The following RIF1 variants were observed in gnomAD, a reference collection of about 807,000 sequenced individuals.
The protein encoded by RIF1 is telomere-associated protein RIF1.
Under a neutral mutation model 247.1 loss-of-function variants are expected in RIF1, and 45 were observed. That is an observed-to-expected ratio of 0.18 (90% CI 0.14 to 0.23). RIF1 has a LOEUF of 0.23. Among genes scored for constraint, RIF1 ranks in the 10% least tolerant of loss-of-function variants. The pLI, the probability that RIF1 is intolerant of heterozygous loss-of-function variation, is 1.00. For missense variants in RIF1, 2,967 were observed against 2,862.5 expected, an observed-to-expected ratio of 1.04 and a Z score of -0.83; for synonymous variants, 1,087 against 978.8, an observed-to-expected ratio of 1.11 and a Z score of -2.06.
chr2:151,412,233 T>A (rs1272702895), intron 3 of RIF1, among the ~76,000 whole-genome samples: 1 of 146,092 alleles, frequency 6.8e-6, no homozygotes, highest in Non-Finnish European at 1.5e-5. Flanking sequence ...GTTTTTAGAA[T>A]GAAAAAGTTG....
chr2:151,476,545 G>GC lies in RIF1; in HGVS notation c.*1475dup, dbSNP rs1343233700. 3.3e-5 allele frequency: 5 copies of GC among 152,018 alleles called. No homozygotes were observed. Among genetic ancestry groups the GC allele is most frequent in the African/African-American group, 1.2e-4 (5 of 41,406 alleles). 9.4% of individuals were successfully genotyped at this position (152,018 alleles called of 1,614,324 possible). On this transcript the variant is annotated 3_prime_UTR_variant, in exon 36 of 36. Coordinates refer to ENST00000444746, the MANE Select transcript of RIF1 (RefSeq NM_018151.5). ...AAAGTTTAATCCTTGTGCCTCCTTA[G>GC]CTCTCGTATATTCAGGGATCTCTAT... is the stretch of plus-strand genomic sequence containing the variant.
Position 151,463,777 on chromosome 2 carries a change from G to A in RIF1, c.4257G>A (p.Arg1419=). ...PNQKTLRRSS[R]RRSEVVESTT... ...AGAAAACCCTTAGACGGTCTTCAAGGCGACGTTCAGAAGTAGTAGAGTCTA... is the reference window on the plus strand; with the variant it reads ...AGAAAACCCTTAGACGGTCTTCAAGACGACGTTCAGAAGTAGTAGAGTCTA... Residue 1419 remains arginine (R), a synonymous_variant, in exon 30 of 36, where the codon AGG becomes AGA. Transcript: ENST00000444746. 2 of 1,613,852 alleles carry A rather than the reference G, an allele frequency of 1.2e-6. No individual in the cohort carries two copies. Among genetic ancestry groups the A allele is most frequent in the African/African-American group, 2.7e-5 (2 of 74,996 alleles).
intron 12 of RIF1, chr2:151,503,285 A>AGAT: frequency 8.3e-7 from 1 of 1,208,892 alleles, no homozygotes; most frequent in East Asian, 2.3e-5. Context: ...TCTTTAAAAA[A>AGAT]GATGGGTTAT....
intron 3 of RIF1, among the ~76,000 whole-genome samples, chr2:151,413,713 C>G (rs1011616725): frequency 3.3e-5 from 5 of 152,228 alleles, no homozygotes; most frequent in African/African-American, 1.2e-4. Flanking sequence ...CCCTTACATT[C>G]TGTACTCTAG....
the RIF1 span, chr2:151,531,658 G>T: frequency 1.4e-6 from 1 of 707,488 alleles, no homozygotes. Flanking sequence ...GTGCATAACA[G>T]GACATCTCGC....
intron 4 of RIF1, among the ~76,000 whole-genome samples, chr2:151,415,703 G>A (rs775577245): frequency 1.5e-4 from 22 of 151,218 alleles, no homozygotes; most frequent in Non-Finnish European, 2.7e-4. Context: ...GAGAAACCCC[G>A]TCTCTACTAA....
chr2:151,464,919 T>C lies in RIF1; in HGVS notation c.5399T>C (p.Leu1800Pro). Residue 1800 changes from leucine to proline, a missense_variant, in exon 30 of 36, where the codon CTC (leucine) becomes CCC (proline). Around this residue, in one of 7 missense-constraint regions of RIF1, gnomAD observed 2,028 missense variants for 1,825.6 expected, o/e 1.11. Transcript: ENST00000444746. ...EHHSVNFHLG[L>P]KEDNDTINDS... is the part of the protein sequence containing the mutation. ...CATAGTGTGAATTTTCATTTGGGTC[T>C]CAAAGAGGATAATGATACTATTAAT... is the stretch of plus-strand genomic sequence containing the variant. The C allele has an allele frequency of 6.3e-7, 1 of 1,577,252 alleles. No individual in the cohort carries two copies. The highest frequency in any genetic ancestry group is 8.6e-7 in the Non-Finnish European group (1 of 1,167,822).
chr2:151,416,497 T>A, intron 4 of RIF1, 64 bp from the exon 5 acceptor site: 1 of 1,390,214 alleles, frequency 7.2e-7, no homozygotes, highest in Non-Finnish European at 9.8e-7. Context: ...TTCTCTAGTT[T>A]TATATTTGAG....
chr2:151,425,728 A>G lies in RIF1; in HGVS notation c.786+2686A>G, dbSNP rs184894874. 8.4e-3 allele frequency among the ~76,000 whole-genome samples: 1,053 copies of G among 124,880 alleles called. 13 individuals carry two copies. Among genetic ancestry groups the G allele is most frequent in the African/African-American group, 0.031 (1,011 of 32,826 alleles). 81.9% of individuals were successfully genotyped at this position (124,880 alleles called of 152,430 possible). ...GTTGCCTAGGCTGGAGTGCAGTGGC[A>G]TGATCTCGGCTCACTGCAACCTCTG... On this transcript the variant is annotated intron_variant, in intron 8 of 35. Coordinates refer to ENST00000444746, the MANE Select transcript of RIF1 (RefSeq NM_018151.5).
chr2:151,515,473 G>A, the RIF1 span, among the ~76,000 whole-genome samples: 2 of 152,084 alleles, frequency 1.3e-5, no homozygotes, highest in African/African-American at 4.8e-5. Flanking sequence ...TCAGCCTGCT[G>A]AGTAGCTGGG....
intron 11 of RIF1, among the ~76,000 whole-genome samples, chr2:151,436,216 A>G (rs1420137109): frequency 6.6e-6 from 1 of 151,850 alleles, no homozygotes; most frequent in East Asian, 1.9e-4. Flanking sequence ...ACAGAGTGAG[A>G]CTCAGTCTCA....
chr2:151,440,031 CAAAA>C lies in RIF1; in HGVS notation c.1554_1557del (p.Lys519ArgfsTer8). The C allele has an allele frequency of 9.2e-7, 1 of 1,090,164 alleles. No homozygotes were observed. Among genetic ancestry groups the C allele is most frequent in the Non-Finnish European group, 1.3e-6 (1 of 788,782 alleles). The allele number at this position is 1,090,164 out of a possible 1,614,324, so 67.5% of individuals were successfully genotyped here. On this transcript the variant is annotated frameshift_variant, in exon 15 of 36. Coordinates refer to ENST00000444746, the MANE Select transcript of RIF1 (RefSeq NM_018151.5). LOFTEE classifies it high-confidence loss of function. ...CTTCTTTTTGCTTTTTGATAGGTAA[CAAAA>C]AAGAGAAACCAGGTTCTGAAGTTTT... is the stretch of plus-strand genomic sequence containing the variant.
chr2:151,505,644 T>A, intron 12 of RIF1: 5 of 1,250,298 alleles, frequency 4.0e-6, no homozygotes, highest in Non-Finnish European at 5.9e-6. Flanking sequence ...ATGTACATGT[T>A]TTTTGTAGCC....
chr2:151,460,022 T>G lies in RIF1; in HGVS notation c.2978T>G (p.Val993Gly). ...SDGTENSQLN[V>G]KISGMERKSN... ...CAGACAGAAAATTCACAACTAAATGTGAAGATAAGTGGCATGGAGAGAAAA... is the reference window on the plus strand; with the variant it reads ...CAGACAGAAAATTCACAACTAAATGGGAAGATAAGTGGCATGGAGAGAAAA... Residue 993 changes from valine (V) to glycine (G), a missense_variant, in exon 26 of 36, where the codon GTG becomes GGG. Coordinates refer to ENST00000444746, the MANE Select transcript of RIF1 (RefSeq NM_018151.5). 1 of 1,548,136 alleles carries G rather than the reference T, an allele frequency of 6.5e-7. No individual in the cohort carries two copies. The highest frequency in any genetic ancestry group is 8.8e-7 in the Non-Finnish European group (1 of 1,139,336).
At chr2:151,420,744 A>G (rs980683415) in intron 7 of RIF1, among the ~76,000 whole-genome samples, 2 of 151,860 alleles carry the variant, frequency 1.3e-5, no homozygotes, top group Non-Finnish European at 2.9e-5. Context: ...CAAAAAAAAA[A>G]AAAAAAAAAA....
intron 1 of RIF1, 21 bp from the exon 2 acceptor site, chr2:151,410,393 C>A: frequency 6.3e-7 from 1 of 1,596,110 alleles, no homozygotes; most frequent in Non-Finnish European, 8.6e-7. Context: ...GGATTTTCTC[C>A]TCTTCCGGTT....
At chr2:151,533,396 C>A in the RIF1 span, 1 of 1,321,542 alleles carries the variant, frequency 7.6e-7, no homozygotes. Context: ...GGAATGCATC[C>A]AAGACTTCTT....
At chr2:151,414,512 C>T (rs1196047232) in intron 3 of RIF1, among the ~76,000 whole-genome samples, 1 of 152,114 alleles carries the variant, frequency 6.6e-6, no homozygotes, top group East Asian at 1.9e-4. Flanking sequence ...GTGGAAGGGC[C>T]TTGCTCCCTT....
chr2:151,513,559 A>G, the RIF1 span: 1 of 1,534,552 alleles, frequency 6.5e-7, no homozygotes, highest in Non-Finnish European at 8.9e-7. Flanking sequence ...TGAAAGATTG[A>G]CATCGAATAG....
Sources: gnomAD v4.1 joint callset for allele counts (sites outside exome capture counted in the v4.1 genomes callset) on GRCh38, gnomAD v4.1.1 for gene constraint, gnomAD v4.1.1 regional missense constraint, MANE v1.5 for transcripts, NCBI Gene and HGNC (gene_info 2026-07-23, HGNC 2026-07-21) for gene names.